ATXN1: variants seen among roughly 807,000 people sequenced by gnomAD.
ATXN1 encodes ataxin 1.
Under a neutral mutation model 56.4 loss-of-function variants are expected in ATXN1, and 8 were observed. The observed-to-expected ratio is 0.14, with a 90% CI of 0.08 to 0.26. The LOEUF (loss-of-function observed/expected upper bound fraction) is 0.26. Among genes scored for constraint, ATXN1 ranks in the 10% least tolerant of loss-of-function variants. The pLI is 1.00. For missense variants in ATXN1, 987 were observed against 1,106.5 expected (o/e 0.89, Z 1.53); for synonymous variants, 514 against 494.6 (o/e 1.04, Z -0.52).
chr6:16,461,999 C>G (rs968973086), intron 6 of ATXN1, among the ~76,000 whole-genome samples: 57 of 152,204 alleles, frequency 3.7e-4, no homozygotes, highest in African/African-American at 1.4e-3. Flanking sequence ...TGACCTCCTA[C>G]TTGATCAGGA....
At position 16,327,945 on chromosome 6, in the gene ATXN1, G is replaced by A. The variant is rs1486574549; in HGVS notation, c.366C>T (p.His122=). Residue 122 remains histidine, a synonymous_variant, in exon 7 of 8, where the codon CAC becomes CAT. Transcript: ENST00000436367. ...GTPVSPVQYA[H]LPHTFQFIGS... is the part of the protein sequence containing the mutation. ...CAATGAACTGGAAGGTGTGCGGCAGGTGAGCGTACTGCACGGGGGACACCG... is the reference window on the plus strand; with the variant it reads ...CAATGAACTGGAAGGTGTGCGGCAGATGAGCGTACTGCACGGGGGACACCG... The A allele has an allele frequency of 1.2e-6, 2 of 1,612,506 alleles. No individual in the cohort carries two copies. The highest frequency in any genetic ancestry group is 1.7e-6 in the Non-Finnish European group (2 of 1,179,924).
At chr6:16,356,897 A>T (rs2113468535) in intron 6 of ATXN1, among the ~76,000 whole-genome samples, 1 of 152,354 alleles carries the variant, frequency 6.6e-6, no homozygotes, top group South Asian at 2.1e-4. Flanking sequence ...CACCAAAAAA[A>T]TTCTGGAGAT....
chr6:16,724,097 A>T (rs1024533538), intron 2 of ATXN1, among the ~76,000 whole-genome samples: 44 of 152,196 alleles, frequency 2.9e-4, no homozygotes, highest in African/African-American at 1.1e-3. Flanking sequence ...AGTTCAGCCC[A>T]ATCAGCTCTC....
At chr6:16,597,945 G>A (rs1581872081) in intron 3 of ATXN1, among the ~76,000 whole-genome samples, 1 of 150,456 alleles carries the variant, frequency 6.6e-6, no homozygotes, top group African/African-American at 2.5e-5. Flanking sequence ...AAAAAAAAAA[G>A]AAGCTGAGTC....
At chr6:16,556,722 T>C (rs1762020988) in intron 4 of ATXN1, among the ~76,000 whole-genome samples, 1 of 152,218 alleles carries the variant, frequency 6.6e-6, no homozygotes, top group South Asian at 2.1e-4. Context: ...CATGAGGATG[T>C]CTACCATCAT....
chr6:16,450,414 A>G (rs945016239), intron 6 of ATXN1, among the ~76,000 whole-genome samples: 2 of 152,250 alleles, frequency 1.3e-5, no homozygotes, highest in Non-Finnish European at 2.9e-5. Context: ...CAGGAGCTGA[A>G]TAGTTCCATC....
intron 4 of ATXN1, among the ~76,000 whole-genome samples, chr6:16,563,270 A>G (rs2282831): frequency 0.41 from 61,593 of 151,950 alleles, 15,215 homozygotes; most frequent in African/African-American, 0.67. Context: ...GCCCACTAGA[A>G]AAGCAATGAT....
At chr6:16,384,288 G>A (rs947829874) in intron 6 of ATXN1, among the ~76,000 whole-genome samples, 1 of 152,168 alleles carries the variant, frequency 6.6e-6, no homozygotes, top group African/African-American at 2.4e-5. Flanking sequence ...ATGGAATAAG[G>A]CCACAGAAGG....
chr6:16,341,815 G>A (rs111495825), intron 6 of ATXN1, among the ~76,000 whole-genome samples: 7 of 151,200 alleles, frequency 4.6e-5, no homozygotes, highest in South Asian at 2.1e-4. Context: ...CACCGCACCC[G>A]GCTGGTATAG....
At chr6:16,744,799 T>C (rs1760469492) in intron 2 of ATXN1, among the ~76,000 whole-genome samples, 1 of 152,196 alleles carries the variant, frequency 6.6e-6, no homozygotes, top group Non-Finnish European at 1.5e-5. Context: ...CATTTATTCC[T>C]GCCAGGTTGG....
At chr6:16,505,686 C>A (rs1253485719) in intron 5 of ATXN1, among the ~76,000 whole-genome samples, 1 of 152,110 alleles carries the variant, frequency 6.6e-6, no homozygotes, top group African/African-American at 2.4e-5. Context: ...AAATATTGTA[C>A]CATCACTGAC....
intron 4 of ATXN1, among the ~76,000 whole-genome samples, chr6:16,544,586 T>C (rs1452685090): frequency 6.6e-6 from 1 of 152,122 alleles, no homozygotes; most frequent in Non-Finnish European, 1.5e-5. Flanking sequence ...TTGCAACCTA[T>C]AGACAGCAGG....
At chr6:16,707,479 G>C (rs908947767) in intron 2 of ATXN1, among the ~76,000 whole-genome samples, 2 of 152,130 alleles carry the variant, frequency 1.3e-5, no homozygotes, top group Admixed American at 1.3e-4. Context: ...TTCTTCAAGA[G>C]TACCTAGATG....
chr6:16,408,286 G>A (rs372491091), intron 6 of ATXN1, among the ~76,000 whole-genome samples: 1 of 152,102 alleles, frequency 6.6e-6, no homozygotes, highest in African/African-American at 2.4e-5. Flanking sequence ...AATAACATTC[G>A]AGAAGGGGGT....
At chr6:16,729,313 T>C (rs1317949613) in intron 2 of ATXN1, among the ~76,000 whole-genome samples, 5 of 152,220 alleles carry the variant, frequency 3.3e-5, no homozygotes, top group African/African-American at 1.2e-4. Flanking sequence ...GGTAAATGAA[T>C]AACGGCTGGA....
intron 5 of ATXN1, among the ~76,000 whole-genome samples, chr6:16,515,042 C>A (rs1024908061): frequency 4.6e-5 from 7 of 151,808 alleles, no homozygotes; most frequent in Non-Finnish European, 1.0e-4. Flanking sequence ...ACACAGGACA[C>A]CTTCGGTAGC....
At chr6:16,678,318 C>T (rs937175376) in intron 2 of ATXN1, among the ~76,000 whole-genome samples, 5 of 152,160 alleles carry the variant, frequency 3.3e-5, no homozygotes, top group Admixed American at 3.3e-4. Context: ...AAAGTCTCAG[C>T]CAACTATTCA....
rs554699818 is a variant in ATXN1, at chr6:16,690,702, C to T, written c.-614-32801G>A. Among the ~76,000 whole-genome samples the T allele has an allele frequency of 3.3e-5, 5 of 152,208 alleles. No individual in the cohort carries two copies. The South Asian group carries it at 8.3e-4, about 25-fold the overall frequency. Reference sequence around the variant, plus strand: ...GAGGCCTTAGAAAACCATGCTATTTCGACTTCTACTAATAATGAGAAAACG... The same window carrying T: ...GAGGCCTTAGAAAACCATGCTATTTTGACTTCTACTAATAATGAGAAAACG... On this transcript the variant is annotated intron_variant, in intron 2 of 7. Transcript: ENST00000436367.
At position 16,331,755 on chromosome 6, in the gene ATXN1, A is replaced by G. The variant is rs139538317; in HGVS notation, c.-160-3285T>C. 2.0e-4 allele frequency among the ~76,000 whole-genome samples: 31 copies of G among 152,334 alleles called. 1 individual carries two copies. The highest frequency in any genetic ancestry group is 7.5e-4 in the African/African-American group (31 of 41,580). ...GGTCTATTAGCAATGCAAATGTAAC[A>G]TTGCCTGTACAATTGAATGCACAAT... On this transcript the variant is annotated intron_variant, in intron 6 of 7. Transcript: ENST00000436367.
Sources: allele counts gnomAD v4.1 joint callset (sites outside exome capture counted in the v4.1 genomes callset), GRCh38; gene constraint gnomAD v4.1.1; transcripts MANE v1.5; gene names NCBI Gene and HGNC (gene_info 2026-07-23, HGNC 2026-07-21).